RPS6KA3: variants seen among roughly 807,000 people sequenced by gnomAD.
RPS6KA3 encodes ribosomal protein S6 kinase A3.
Under a neutral mutation model 67.2 loss-of-function variants are expected in RPS6KA3, and 4 were observed. The ratio of observed to expected loss-of-function variants is 0.06; its 90% CI spans 0.03 to 0.14. The LOEUF is 0.14. RPS6KA3 is among the 10% of genes least tolerant of loss of function. RPS6KA3 has a pLI of 1.00. For synonymous variants in RPS6KA3, 182 were observed against 183.7 expected (o/e 0.99, Z 0.07); for missense variants, 204 against 559.0 (o/e 0.36, Z 6.40).
intron 2 of RPS6KA3, among the ~76,000 whole-genome samples, chrX:20,216,827 C>T (rs1049191895): frequency 1.8e-5 from 2 of 111,205 alleles, no homozygotes; most frequent in Admixed American, 9.6e-5. Context: ...AGGCGGCTCT[C>T]CTGCTTTTGC....
intron 15 of RPS6KA3, among the ~76,000 whole-genome samples, chrX:20,170,050 G>T (rs2067534447): frequency 8.9e-6 from 1 of 112,260 alleles, no homozygotes; most frequent in Non-Finnish European, 1.9e-5. Flanking sequence ...TAGGCAGAAA[G>T]CTACATAGAA....
At chrX:20,264,488 C>T (rs1320282130) in intron 1 of RPS6KA3, among the ~76,000 whole-genome samples, 2 of 112,224 alleles carry the variant, frequency 1.8e-5, no homozygotes, top group Non-Finnish European at 3.8e-5. Context: ...TGAATTATGG[C>T]TCTGCCATTT....
intron 1 of RPS6KA3, among the ~76,000 whole-genome samples, chrX:20,247,400 A>G (rs1267783852): frequency 8.9e-6 from 1 of 112,003 alleles, no homozygotes. Flanking sequence ...TCTATCTCAA[A>G]AAAAACAAAA....
chrX:20,176,871 C>T (rs903099657), intron 11 of RPS6KA3, 125 bp downstream of exon 11: 14 of 540,878 alleles, frequency 2.6e-5, no homozygotes, highest in South Asian at 2.5e-4. Flanking sequence ...GGATTACAGG[C>T]GTGAGCCACC....
At chrX:20,175,353 C>A (rs2067673395) in intron 13 of RPS6KA3, 65 bp from the exon 14 acceptor site, 6 of 1,078,068 alleles carry the variant, frequency 5.6e-6, no homozygotes, top group Non-Finnish European at 6.4e-6. Flanking sequence ...AAACTGTTGA[C>A]ACTATGACCT....
intron 2 of RPS6KA3, among the ~76,000 whole-genome samples, chrX:20,226,948 G>A (rs2069137452): frequency 8.9e-6 from 1 of 111,942 alleles, no homozygotes; most frequent in Non-Finnish European, 1.9e-5. Flanking sequence ...GCTCACTGCC[G>A]AGGTAAAGAA....
At chrX:20,178,481 G>GTTTT (rs59662504) in intron 10 of RPS6KA3, among the ~76,000 whole-genome samples, 2 of 84,392 alleles carry the variant, frequency 2.4e-5, no homozygotes, top group African/African-American at 9.0e-5. Flanking sequence ...AAACAAATCA[G>GTTTT]TTTTTTTTTT....
chrX:20,252,546 T>C (rs2069906275), intron 1 of RPS6KA3, among the ~76,000 whole-genome samples: 1 of 110,012 alleles, frequency 9.1e-6, no homozygotes, highest in Admixed American at 9.7e-5. Context: ...TGCAGATGGG[T>C]GGGACGGAAG....
In RPS6KA3 at chrX:20,151,380, A is replaced by G. The variant is rs1176879459; in HGVS notation, c.*4018T>C. 8.9e-6 allele frequency: 1 copy of G among 112,798 alleles called. No individual in the cohort carries two copies. Among genetic ancestry groups the G allele is most frequent in the East Asian group, 2.8e-4 (1 of 3,606 alleles). The allele number at this position is 112,798 out of a possible 1,213,427, so 9.3% of individuals were successfully genotyped here. On this transcript the variant is annotated 3_prime_UTR_variant, in exon 22 of 22. Coordinates refer to ENST00000379565, the MANE Select transcript of RPS6KA3 (RefSeq NM_004586.3). ...AAAATGTAAGCAACCTGGGGTTGAA[A>G]AGAGGACTGTTTTCATTAATTGAAA...
Position 20,186,325 on chromosome X carries a change from A to G in RPS6KA3, c.816T>C (p.Asp272=). The G allele has an allele frequency of 4.2e-6, 5 of 1,186,842 alleles. No individual in the cohort carries two copies. The highest frequency in any genetic ancestry group is 5.7e-6 in the Non-Finnish European group (5 of 873,602). ...LTGTLPFQGK[D]RKETMTMILK... ...GAATCATAGTCATTGTTTCTTTTCG[A>G]TCTTTTCCTTGGAAAGGGAGTGTAC... Residue 272 remains aspartate (D), a synonymous_variant, in exon 10 of 22, where the codon GAT becomes GAC. Coordinates refer to ENST00000379565, the MANE Select transcript of RPS6KA3 (RefSeq NM_004586.3).
chrX:20,211,142 A>T (rs1603428468), intron 2 of RPS6KA3, among the ~76,000 whole-genome samples: 1 of 111,584 alleles, frequency 9.0e-6, no homozygotes, highest in East Asian at 2.8e-4. Flanking sequence ...TTCATGCTTC[A>T]CAACAAATCT....
chrX:20,263,823 A>G (rs1003498263), intron 1 of RPS6KA3, among the ~76,000 whole-genome samples: 18 of 111,489 alleles, frequency 1.6e-4, no homozygotes, highest in Non-Finnish European at 3.4e-4. Flanking sequence ...GGATTCAGAG[A>G]GGGGGGGAAA....
At chrX:20,169,846 T>C (rs976032771) in intron 15 of RPS6KA3, among the ~76,000 whole-genome samples, 4 of 112,082 alleles carry the variant, frequency 3.6e-5, no homozygotes, top group Non-Finnish European at 7.5e-5. Context: ...CCTTAAACAT[T>C]TGGGAACTCA....
At chrX:20,230,829 A>G (rs945903808) in intron 2 of RPS6KA3, among the ~76,000 whole-genome samples, 3 of 112,082 alleles carry the variant, frequency 2.7e-5, no homozygotes, top group African/African-American at 9.7e-5. Context: ...AACATTTTAA[A>G]TATACATACG....
At chrX:20,162,335 C>CAAA (rs75392752) in intron 19 of RPS6KA3, among the ~76,000 whole-genome samples, 1 of 36,636 alleles carries the variant, frequency 2.7e-5, no homozygotes, top group African/African-American at 1.0e-4. Flanking sequence ...GACTCCGTCT[C>CAAA]AAAAAAAAAA....
chrX:20,256,944 T>C (rs1192307344), intron 1 of RPS6KA3, among the ~76,000 whole-genome samples: 1 of 112,175 alleles, frequency 8.9e-6, no homozygotes, highest in Non-Finnish European at 1.9e-5. Context: ...CAGATTTCAT[T>C]TAGACTGAGT....
intron 4 of RPS6KA3, among the ~76,000 whole-genome samples, chrX:20,202,875 G>T (rs1296763107): frequency 8.9e-6 from 1 of 112,026 alleles, no homozygotes. Flanking sequence ...AGAAAGGCAG[G>T]GGATTGAGGA....
chrX:20,264,077 T>C, intron 1 of RPS6KA3, among the ~76,000 whole-genome samples: 1 of 112,349 alleles, frequency 8.9e-6, no homozygotes, highest in East Asian at 2.8e-4. Flanking sequence ...TTTCAACCTT[T>C]CCCTCACTGT....
At chrX:20,183,864 C>T (rs979507461) in intron 10 of RPS6KA3, among the ~76,000 whole-genome samples, 18 of 111,851 alleles carry the variant, frequency 1.6e-4, no homozygotes, top group African/African-American at 5.2e-4. Context: ...CATATGGCTA[C>T]TGAGCACCTG....
Sources: allele counts gnomAD v4.1 joint callset (sites outside exome capture counted in the v4.1 genomes callset), GRCh38; gene constraint gnomAD v4.1.1; transcripts MANE v1.5; gene names NCBI Gene and HGNC (gene_info 2026-07-23, HGNC 2026-07-21).